Variants in DNAH3 observed in about 807,000 individuals in gnomAD.
DNAH3 encodes the protein dynein axonemal heavy chain 3.
A neutral mutation model predicts 432.5 loss-of-function variants in DNAH3; 332 were observed. The ratio of observed to expected loss-of-function variants is 0.77; its 90% CI spans 0.70 to 0.84. The LOEUF (loss-of-function observed/expected upper bound fraction) is 0.84. Ranked by LOEUF, DNAH3 falls within the 40% of genes least tolerant of loss-of-function variation. DNAH3 has a pLI of 0.00. For synonymous variants in DNAH3, 1,956 were observed against 1,900.2 expected (o/e 1.03, Z -0.76); for missense variants, 4,861 against 5,114.0 (o/e 0.95, Z 1.51).
At chr16:20,947,513 GT>G (rs1462468859) in intron 57 of DNAH3, among the ~76,000 whole-genome samples, 2 of 152,162 alleles carry the variant, frequency 1.3e-5, no homozygotes, top group African/African-American at 4.8e-5. Context: ...TGGTGTCTGG[GT>G]TGGGGGAAAG....
chr16:21,134,194 T>C (rs1321082431), intron 7 of DNAH3, 65 bp downstream of exon 8: 41 of 1,511,928 alleles, frequency 2.7e-5, no homozygotes, highest in Non-Finnish European at 3.6e-5. Context: ...CACAGCAGAA[T>C]AGGCTTGCTT....
At chr16:21,073,617 T>G (rs547023384) in intron 21 of DNAH3, among the ~76,000 whole-genome samples, 1 of 152,328 alleles carries the variant, frequency 6.6e-6, no homozygotes, top group South Asian at 2.1e-4. Context: ...AAGCAAGATC[T>G]TTCTGTCCAT....
chr16:21,137,605 T>C (rs1374044382), intron 5 of DNAH3, among the ~76,000 whole-genome samples: 2 of 152,038 alleles, frequency 1.3e-5, no homozygotes, highest in East Asian at 1.9e-4. Context: ...GTATTTTTAG[T>C]GGAGACGGGG....
At chr16:21,058,252 G>A (rs1253152654) in intron 26 of DNAH3, 56 bp from the exon 27 acceptor site, 1 of 1,123,488 alleles carries the variant, frequency 8.9e-7, no homozygotes, top group African/African-American at 1.5e-5. Context: ...TTTAAACTGA[G>A]TTTACGAAAA....
rs547862267 is a variant in DNAH3, at chr16:21,080,251, T to G, written c.2969+1385A>C. On this transcript the variant is annotated intron_variant, in intron 20 of 61. Coordinates refer to ENST00000261383, the Ensembl canonical transcript of DNAH3. ...GGAGGAGGTTGCAGTGAGCCGAGAT[T>G]GTGCCATTGCACTCTGGCCTGGGTG... 2.4e-3 allele frequency among the ~76,000 whole-genome samples: 365 copies of G among 152,268 alleles called. 1 individual carries two copies. The highest frequency in any genetic ancestry group is 8.3e-3 in the African/African-American group (343 of 41,568).
At chr16:21,071,516 C>G (rs2090780670) in intron 21 of DNAH3, among the ~76,000 whole-genome samples, 1 of 152,146 alleles carries the variant, frequency 6.6e-6, no homozygotes, top group African/African-American at 2.4e-5. Flanking sequence ...CCTCCCAGCT[C>G]AGAACTCCAC....
exon 13 of DNAH3, chr16:21,112,038 G>C: frequency 6.2e-7 from 1 of 1,613,760 alleles, no homozygotes; most frequent in African/African-American, 1.3e-5. Context: ...GGAACGCAGC[G>C]ATGTTTTGCT....
At chr16:20,941,315 A>G (rs1051012908) in intron 59 of DNAH3, 86 bp downstream of exon 59, 13 of 1,549,422 alleles carry the variant, frequency 8.4e-6, no homozygotes, top group African/African-American at 2.7e-5. Flanking sequence ...CTTCCTCTGC[A>G]TAGCAACCCC....
rs577528750 is a variant in DNAH3, at chr16:21,081,671, A to G, written c.2934T>C (p.Asn978=). 3 of 1,613,818 alleles carry G rather than the reference A, an allele frequency of 1.9e-6. No individual in the cohort carries two copies. The East Asian group carries it at 6.7e-5, about 36-fold the overall frequency. ...ATTTGCCGAATCCAAATTCGAGCAT[A>G]TTTGAGAGGCAGGTCGTTTCGGTGG... Residue 978 remains asparagine (N), a synonymous_variant, in exon 20 of 62, where the codon AAT becomes AAC. Transcript: ENST00000261383.
chr16:20,987,356 G>T, exon 47 of DNAH3: 1 of 1,614,152 alleles, frequency 6.2e-7, no homozygotes, highest in South Asian at 1.1e-5. Context: ...TCACCATGTT[G>T]AAAAAGACCT....
At chr16:20,950,195 T>G (rs1426160219) in intron 56 of DNAH3, among the ~76,000 whole-genome samples, 1 of 152,200 alleles carries the variant, frequency 6.6e-6, no homozygotes, top group African/African-American at 2.4e-5. Context: ...TGAGACCCAC[T>G]GTATGCGTAC....
exon 3 of DNAH3, chr16:21,145,399 A>G (rs759248106): frequency 2.5e-6 from 4 of 1,613,844 alleles, no homozygotes; most frequent in Non-Finnish European, 3.4e-6. Context: ...GCTGTGTGAC[A>G]TGACAGTCTA....
chr16:21,143,741 T>A (rs933663288), intron 3 of DNAH3, among the ~76,000 whole-genome samples: 1 of 152,080 alleles, frequency 6.6e-6, no homozygotes. Flanking sequence ...CAAATAACAC[T>A]GGTAAGAACC....
intron 60 of DNAH3, among the ~76,000 whole-genome samples, chr16:20,935,977 T>C (rs907057028): frequency 6.6e-6 from 1 of 152,164 alleles, no homozygotes; most frequent in African/African-American, 2.4e-5. Flanking sequence ...ATAGTCGCCA[T>C]GCCATGCGAG....
intron 21 of DNAH3, among the ~76,000 whole-genome samples, chr16:21,072,240 A>ATTTATTTATTT (rs530505999): frequency 4.0e-5 from 6 of 151,426 alleles, no homozygotes; most frequent in African/African-American, 1.2e-4. Flanking sequence ...TTAATTAATT[A>ATTTATTTATTT]ATTTTAATTT....
chr16:21,101,918 G>A (rs2091847091), intron 16 of DNAH3, among the ~76,000 whole-genome samples: 1 of 152,232 alleles, frequency 6.6e-6, no homozygotes. Flanking sequence ...CAGAGCCGGA[G>A]GGTGGGGTAG....
intron 50 of DNAH3, among the ~76,000 whole-genome samples, chr16:20,978,401 C>T (rs909435909): frequency 7.9e-5 from 12 of 152,122 alleles, no homozygotes; most frequent in African/African-American, 2.7e-4. Flanking sequence ...TGGTGGCACG[C>T]ACCTGTAGTA....
chr16:21,152,358 T>C (rs1312488110), intron 1 of DNAH3, among the ~76,000 whole-genome samples: 3 of 152,232 alleles, frequency 2.0e-5, no homozygotes, highest in Admixed American at 2.0e-4. Flanking sequence ...GCTCTTTCCA[T>C]AACCTACCTG....
intron 58 of DNAH3, among the ~76,000 whole-genome samples, chr16:20,943,676 G>A (rs141120665): frequency 4.5e-4 from 68 of 152,262 alleles, no homozygotes; most frequent in African/African-American, 1.6e-3. Context: ...AACATCATCT[G>A]GGAAGAACTT....
Sources: gnomAD v4.1 joint callset for allele counts (sites outside exome capture counted in the v4.1 genomes callset) on GRCh38, gnomAD v4.1.1 for gene constraint, MANE v1.5 for transcripts, NCBI Gene and HGNC (gene_info 2026-07-23, HGNC 2026-07-21) for gene names.